The following NUP37 variants were observed in gnomAD, a reference collection of about 807,000 sequenced individuals.
NUP37 encodes the protein nucleoporin Nup37.
NUP37 carries 33 observed loss-of-function variants against 45.4 expected under a neutral mutation model. The ratio of observed to expected loss-of-function variants is 0.73; its 90% CI spans 0.55 to 0.97. The LOEUF is 0.97. Among genes scored for constraint, NUP37 ranks in the 50% least tolerant of loss-of-function variants. NUP37 has a pLI of 0.00. For missense variants in NUP37, 365 were observed against 389.7 expected, an observed-to-expected ratio of 0.94 and a Z score of 0.53; for synonymous variants, 127 against 130.7, an observed-to-expected ratio of 0.97 and a Z score of 0.19.
At chr12:102,111,258 G>T (rs1329170245) in intron 3 of NUP37, among the ~76,000 whole-genome samples, 1 of 152,164 alleles carries the variant, frequency 6.6e-6, no homozygotes, top group Non-Finnish European at 1.5e-5. Context: ...ATAGAAATCA[G>T]ATCAATGGTT....
chr12:102,093,776 GT>G (rs1272371034), intron 5 of NUP37, among the ~76,000 whole-genome samples: 1 of 151,724 alleles, frequency 6.6e-6, no homozygotes, highest in East Asian at 1.9e-4. Context: ...TCTGGAAACT[GT>G]TTATGGATAT....
At chr12:102,078,564 G>GT (rs1879248725) in intron 6 of NUP37, among the ~76,000 whole-genome samples, 1 of 152,192 alleles carries the variant, frequency 6.6e-6, no homozygotes, top group Non-Finnish European at 1.5e-5. Flanking sequence ...GGGCAGCATA[G>GT]TTAAAGAGCA....
At chr12:102,118,958 C>T (rs956058871) in intron 1 of NUP37, 2 of 156,642 alleles carry the variant, frequency 1.3e-5, no homozygotes, top group African/African-American at 4.8e-5. Context: ...GACATGATCA[C>T]ATCTGGTATC....
chr12:102,096,258 T>G (rs987554830), intron 5 of NUP37, among the ~76,000 whole-genome samples: 1 of 152,140 alleles, frequency 6.6e-6, no homozygotes. Context: ...GAACCCAATT[T>G]TCTTATAAAC....
intron 1 of NUP37, among the ~76,000 whole-genome samples, chr12:102,119,596 T>G (rs996637919): frequency 6.6e-6 from 1 of 151,992 alleles, no homozygotes; most frequent in East Asian, 1.9e-4. Flanking sequence ...TCAAGCACCT[T>G]AAGAGTATGT....
intron 2 of NUP37, among the ~76,000 whole-genome samples, chr12:102,114,503 G>A (rs1212545608): frequency 6.6e-6 from 1 of 152,170 alleles, no homozygotes; most frequent in Non-Finnish European, 1.5e-5. Flanking sequence ...TGGGGTATAA[G>A]CAGAATTGTA....
chr12:102,105,774 A>G (rs1262590992), intron 3 of NUP37, among the ~76,000 whole-genome samples: 1 of 150,630 alleles, frequency 6.6e-6, no homozygotes, highest in African/African-American at 2.4e-5. Flanking sequence ...GGCAGGGAGA[A>G]TCACTTGAAC....
At chr12:102,097,760 G>A (rs572703303) in intron 5 of NUP37, among the ~76,000 whole-genome samples, 3 of 152,104 alleles carry the variant, frequency 2.0e-5, no homozygotes, top group South Asian at 2.1e-4. Flanking sequence ...TCCAGTGACC[G>A]AATTTTTACC....
intron 2 of NUP37, among the ~76,000 whole-genome samples, chr12:102,114,888 G>A (rs116399813): frequency 0.011 from 1,698 of 152,284 alleles, 29 homozygotes; most frequent in African/African-American, 0.039. Context: ...GCCAAAATCT[G>A]TTTCCATGTA....
intron 5 of NUP37, among the ~76,000 whole-genome samples, chr12:102,092,680 G>A (rs1879689433): frequency 6.6e-6 from 1 of 152,162 alleles, no homozygotes. Context: ...GAGTTCAGAG[G>A]TGGGGAACCA....
In NUP37 at chr12:102,104,281, A is replaced by G. The variant is rs149620812; in HGVS notation, c.282-3177T>C. On this transcript the variant is annotated intron_variant, in intron 3 of 9. Coordinates refer to ENST00000552283, the MANE Select transcript of NUP37 (RefSeq NM_024057.4). ...ATATACCTTCTTTGGAGAAATGTTC[A>G]TTTAAGTCTTTTTGAATCATTTTTA... is the stretch of plus-strand genomic sequence containing the variant. Among the ~76,000 whole-genome samples the G allele has an allele frequency of 1.1e-3, 166 of 152,200 alleles. 1 individual carries two copies. The highest frequency in any genetic ancestry group is 1.8e-3 in the Non-Finnish European group (120 of 67,980).
In NUP37 at chr12:102,073,560, G is replaced by C. The variant is rs534956912; in HGVS notation, c.*794C>G. 1.3e-5 allele frequency: 2 copies of C among 152,014 alleles called. No individual in the cohort carries two copies. Among genetic ancestry groups the C allele is most frequent in the Admixed American group, 1.3e-4 (2 of 15,272 alleles). The allele number at this position is 152,014 out of a possible 1,614,324, so 9.4% of individuals were successfully genotyped here. ...AAAGGAATCTGCGTATAATAAACAG[G>C]GTTGAGCAATATAATCAATCACATA... is the stretch of plus-strand genomic sequence containing the variant. On this transcript the variant is annotated 3_prime_UTR_variant, in exon 10 of 10. Transcript: ENST00000552283.
At chr12:102,080,332 G>A (rs1046475305) in intron 6 of NUP37, among the ~76,000 whole-genome samples, 2 of 152,208 alleles carry the variant, frequency 1.3e-5, no homozygotes, top group African/African-American at 4.8e-5. Context: ...TGAGGCAGGA[G>A]GATCACTTGA....
chr12:102,114,531 T>C (rs111972355), intron 2 of NUP37, among the ~76,000 whole-genome samples: 8 of 152,324 alleles, frequency 5.3e-5, no homozygotes, highest in African/African-American at 7.2e-5. Flanking sequence ...GAAATTAAGA[T>C]ACTTTGGAAA....
At chr12:102,099,021 AGT>A (rs1175171938) in intron 5 of NUP37, 83 bp downstream of exon 5, 1 of 905,934 alleles carries the variant, frequency 1.1e-6, no homozygotes, top group African/African-American at 1.7e-5. Flanking sequence ...TTTATGTAAA[AGT>A]CACATTTTTT....
intron 6 of NUP37, chr12:102,079,031 ACT>A (rs1879260927): frequency 3.5e-6 from 1 of 286,970 alleles, no homozygotes; most frequent in South Asian, 3.4e-5. Context: ...ATGCTTTTCC[ACT>A]CTCTACATCT....
chr12:102,079,299 G>GT (rs1879268689), intron 6 of NUP37: 2 of 453,294 alleles, frequency 4.4e-6, no homozygotes, highest in Non-Finnish European at 8.9e-6. Context: ...ACGTACTTTT[G>GT]TACTTTCCTA....
At chr12:102,084,654 G>T (rs554466226) in intron 6 of NUP37, among the ~76,000 whole-genome samples, 1 of 151,878 alleles carries the variant, frequency 6.6e-6, no homozygotes, top group East Asian at 1.9e-4. Flanking sequence ...CCAGATTAAA[G>T]GTTGGTTAAT....
At chr12:102,119,801 G>A (rs1053250523) in intron 1 of NUP37, among the ~76,000 whole-genome samples, 5 of 152,220 alleles carry the variant, frequency 3.3e-5, no homozygotes, top group Non-Finnish European at 5.9e-5. Context: ...AGTGGCCGGG[G>A]CCTCACCGTA....
Sources: allele counts gnomAD v4.1 joint callset (sites outside exome capture counted in the v4.1 genomes callset), GRCh38; gene constraint gnomAD v4.1.1; transcripts MANE v1.5; gene names NCBI Gene and HGNC (gene_info 2026-07-23, HGNC 2026-07-21).